The following FMNL2 variants were observed in gnomAD, a reference collection of about 807,000 sequenced individuals.
FMNL2 encodes the protein formin like 2.
In FMNL2, 51 loss-of-function variants were observed where a neutral mutation model predicts 130.2. The ratio of observed to expected loss-of-function variants is 0.39; its 90% CI spans 0.31 to 0.49. The LOEUF (loss-of-function observed/expected upper bound fraction) is 0.49, where lower values mean the gene tolerates loss of function less well. Among genes scored for constraint, FMNL2 ranks in the 20% least tolerant of loss-of-function variants. The pLI is 0.85. For missense variants in FMNL2, 977 were observed against 1,316.2 expected, an observed-to-expected ratio of 0.74 and a Z score of 3.99; for synonymous variants, 465 against 467.1, an observed-to-expected ratio of 1.00 and a Z score of 0.06.
chr2:152,356,805 G>A (rs962905384), intron 1 of FMNL2, among the ~76,000 whole-genome samples: 2 of 151,078 alleles, frequency 1.3e-5, no homozygotes, highest in Non-Finnish European at 2.9e-5. Flanking sequence ...GTGCTGTCCA[G>A]TGTTAACTAA....
At chr2:152,623,788 A>G (rs1009432416) in intron 15 of FMNL2, among the ~76,000 whole-genome samples, 1 of 152,156 alleles carries the variant, frequency 6.6e-6, no homozygotes, top group Non-Finnish European at 1.5e-5. Flanking sequence ...TTTATGATAT[A>G]TAATAGATAA....
At chr2:152,336,747 A>C (rs1681486918) in intron 1 of FMNL2, among the ~76,000 whole-genome samples, 1 of 152,094 alleles carries the variant, frequency 6.6e-6, no homozygotes, top group African/African-American at 2.4e-5. Context: ...CACACAGGCG[A>C]GATTGGGCTC....
At position 152,645,629 on chromosome 2, in the gene FMNL2, GT is replaced by G. The variant is rs1683484243; in HGVS notation, c.3170-2162del. The G allele has an allele frequency of 7.8e-6, 5 of 640,578 alleles. No individual in the cohort carries two copies. The South Asian group carries it at 8.7e-5, about 11-fold the overall frequency. The allele number at this position is 640,578 out of a possible 1,614,324, so 39.7% of individuals were successfully genotyped here. A position where few individuals can be genotyped will look rare whatever the true frequency, so the allele number is the denominator to read the frequency against. Reference sequence around the variant, plus strand: ...ATACTGGTGAGAATCTGACCAGGGAGTTTTTGTACCTCACATTCCAATGATG... The same window carrying G: ...ATACTGGTGAGAATCTGACCAGGGAGTTTTGTACCTCACATTCCAATGATG... On this transcript the variant is annotated intron_variant, in intron 25 of 25. Transcript: ENST00000288670.
chr2:152,540,803 G>A (rs1467535793), intron 2 of FMNL2, among the ~76,000 whole-genome samples: 1 of 151,932 alleles, frequency 6.6e-6, no homozygotes, highest in Non-Finnish European at 1.5e-5. Flanking sequence ...TAACTAACCT[G>A]CACAATGTGC....
chr2:152,626,296 C>A (rs1681781093), intron 16 of FMNL2, among the ~76,000 whole-genome samples: 3 of 152,192 alleles, frequency 2.0e-5, no homozygotes, highest in Admixed American at 2.0e-4. Context: ...CTTGGCCTCC[C>A]AAAGTGCTGG....
At chr2:152,408,514 T>C (rs1042787676) in intron 1 of FMNL2, among the ~76,000 whole-genome samples, 15 of 152,332 alleles carry the variant, frequency 9.8e-5, no homozygotes, top group African/African-American at 3.4e-4. Context: ...AGAGATTAAA[T>C]GAAATTTAGG....
intron 6 of FMNL2, among the ~76,000 whole-genome samples, chr2:152,568,298 C>A (rs905354960): frequency 6.8e-6 from 1 of 147,610 alleles, no homozygotes; most frequent in Non-Finnish European, 1.5e-5. Flanking sequence ...TCACTGCAAC[C>A]TCCACCTCCC....
In FMNL2 at chr2:152,589,540, T is replaced by C. The variant is rs1333980841; in HGVS notation, c.876+8491T>C. Among the ~76,000 whole-genome samples the C allele has an allele frequency of 3.9e-5, 6 of 152,152 alleles. No individual in the cohort carries two copies. The East Asian group carries it at 9.6e-4, about 24-fold the overall frequency. On this transcript the variant is annotated intron_variant, in intron 9 of 25. Transcript: ENST00000288670. Reference sequence around the variant, plus strand: ...ACCCTGCAGAACTTGAGACAGAGACTGGTACTGTTCCCTAAACATGAGCTT... The same window carrying C: ...ACCCTGCAGAACTTGAGACAGAGACCGGTACTGTTCCCTAAACATGAGCTT...
At chr2:152,534,831 G>A (rs564086047) in intron 2 of FMNL2, among the ~76,000 whole-genome samples, 2 of 152,182 alleles carry the variant, frequency 1.3e-5, no homozygotes, top group Non-Finnish European at 1.5e-5. Flanking sequence ...ATAAAAGAAA[G>A]CATTTGGAAA....
intron 1 of FMNL2, among the ~76,000 whole-genome samples, chr2:152,345,887 T>C (rs939047706): frequency 1.1e-4 from 16 of 152,220 alleles, no homozygotes; most frequent in African/African-American, 3.9e-4. Flanking sequence ...TATAGCAGAA[T>C]GTTTGGTTTG....
chr2:152,479,718 G>GTTTTTTTTTTTTTT (rs749726414), intron 1 of FMNL2, among the ~76,000 whole-genome samples: 1 of 96,734 alleles, frequency 1.0e-5, no homozygotes, highest in Non-Finnish European at 2.1e-5. Context: ...GTTGTGGGTT[G>GTTTTTTTTTTTTTT]TTTTTTTTTT....
intron 3 of FMNL2, among the ~76,000 whole-genome samples, chr2:152,544,224 A>G (rs1196032021): frequency 6.6e-6 from 1 of 152,132 alleles, no homozygotes; most frequent in East Asian, 1.9e-4. Context: ...CAAGACCAAC[A>G]TGGTGAAACC....
chr2:152,435,001 T>G (rs1687673843), intron 1 of FMNL2, among the ~76,000 whole-genome samples: 1 of 152,062 alleles, frequency 6.6e-6, no homozygotes, highest in Non-Finnish European at 1.5e-5. Flanking sequence ...ATGGCATGGT[T>G]TATGGCCAAG....
At chr2:152,364,259 G>GTTTTTTTTTTTTTTTTT (rs1163993397) in intron 1 of FMNL2, among the ~76,000 whole-genome samples, 1 of 100,798 alleles carries the variant, frequency 9.9e-6, no homozygotes, top group Non-Finnish European at 1.8e-5. Flanking sequence ...GGAGGTTTGT[G>GTTTTTTTTTTTTTTTTT]TGTTTTTTTT....
intron 1 of FMNL2, among the ~76,000 whole-genome samples, chr2:152,503,116 G>T (rs141362614): frequency 6.6e-6 from 1 of 152,312 alleles, no homozygotes; most frequent in Non-Finnish European, 1.5e-5. Context: ...GTTCAAGATG[G>T]TAAGGCAGAC....
rs1580146101 is a variant in FMNL2, at chr2:152,634,617, A to C, written c.2681-1810A>C. Among the ~76,000 whole-genome samples, 4 of 152,340 alleles carry C rather than the reference A, an allele frequency of 2.6e-5. No individual in the cohort carries two copies. The East Asian group carries it at 7.7e-4, about 29-fold the overall frequency. ...TGGTTGTGGAAGCATTTTCCCTGCA[A>C]AAAGTTGTCGAGATGCTTGAAAAAG... On this transcript the variant is annotated intron_variant, in intron 21 of 25. Transcript: ENST00000288670.
intron 1 of FMNL2, among the ~76,000 whole-genome samples, chr2:152,403,171 T>A (rs1376181601): frequency 6.6e-6 from 1 of 150,934 alleles, no homozygotes; most frequent in Non-Finnish European, 1.5e-5. Flanking sequence ...CACATGCTGA[T>A]CCTTATCACT....
At chr2:152,642,159 C>G (rs1009992361) in intron 25 of FMNL2, among the ~76,000 whole-genome samples, 9 of 152,120 alleles carry the variant, frequency 5.9e-5, no homozygotes, top group African/African-American at 1.9e-4. Context: ...CCAGGATGGT[C>G]TCGATCTCCT....
chr2:152,502,547 T>C lies in FMNL2; in HGVS notation c.118-19396T>C, dbSNP rs549944056. Among the ~76,000 whole-genome samples, 390 of 152,172 alleles carry C rather than the reference T, an allele frequency of 2.6e-3. 1 individual carries two copies. The highest frequency in any genetic ancestry group is 4.7e-3 in the Non-Finnish European group (319 of 68,002). On this transcript the variant is annotated intron_variant, in intron 1 of 25. Transcript: ENST00000288670. ...ACTAAAAATACAAAAATTAGCCAGGTGTGATGGCAGGCATCTGTAGTGTCA... is the reference window on the plus strand; with the variant it reads ...ACTAAAAATACAAAAATTAGCCAGGCGTGATGGCAGGCATCTGTAGTGTCA...
Sources: gnomAD v4.1 joint callset for allele counts (sites outside exome capture counted in the v4.1 genomes callset) on GRCh38, gnomAD v4.1.1 for gene constraint, MANE v1.5 for transcripts, NCBI Gene and HGNC (gene_info 2026-07-23, HGNC 2026-07-21) for gene names.